ACVR2B: variants seen among roughly 807,000 people sequenced by gnomAD.
The protein encoded by ACVR2B is activin A receptor type 2B.
ACVR2B carries 18 observed loss-of-function variants against 65.1 expected under a neutral mutation model. That is an observed-to-expected ratio of 0.28 (90% CI 0.19 to 0.41). The LOEUF (loss-of-function observed/expected upper bound fraction) is 0.41, where lower values mean the gene tolerates loss of function less well. Ranked by LOEUF, ACVR2B falls within the 10% of genes least tolerant of loss-of-function variation. ACVR2B has a pLI of 1.00. For missense variants in ACVR2B, 482 were observed against 682.7 expected, an observed-to-expected ratio of 0.71 and a Z score of 3.28; for synonymous variants, 298 against 277.7, an observed-to-expected ratio of 1.07 and a Z score of -0.73.
At position 38,454,350 on chromosome 3, in the gene ACVR2B, C is replaced by G. The variant is rs1575574743; in HGVS notation, c.28C>G (p.Leu10Val). MTAPWVALA[L>V]LWGSLCAGSG... ...GACGGCGCCCTGGGTGGCCCTCGCC[C>G]TCCTCTGGGGATCGCTGTGCGCCGG... Residue 10 changes from leucine to valine, a missense_variant, in exon 1 of 11, where the codon CTC becomes GTC. By Grantham distance (32) the Leu-to-Val change is conservative (BLOSUM62 1). This residue lies in a region of ACVR2B where 41 missense variants were observed against 38.2 expected (regional missense o/e 1.07). Transcript: ENST00000352511. 7.7e-7 allele frequency: 1 copy of G among 1,298,110 alleles called. No individual in the cohort carries two copies. Among genetic ancestry groups the G allele is most frequent in the East Asian group, 3.1e-5 (1 of 32,000 alleles). 80.4% of individuals were successfully genotyped at this position (1,298,110 alleles called of 1,614,324 possible).
At position 38,481,522 on chromosome 3, in the gene ACVR2B, C is replaced by T; in HGVS notation, c.1074+57C>T. 1 of 1,441,016 alleles carries T rather than the reference C, an allele frequency of 6.9e-7. No homozygotes were observed. Among genetic ancestry groups the T allele is most frequent in the Non-Finnish European group, 9.8e-7 (1 of 1,023,792 alleles). 89.3% of individuals were successfully genotyped at this position (1,441,016 alleles called of 1,614,324 possible). A position where few individuals can be genotyped will look rare whatever the true frequency, so the allele number is the denominator to read the frequency against. On this transcript the variant is annotated intron_variant, in intron 8 of 10. Transcript: ENST00000352511. The surrounding 1 kb of genome is among the most constrained non-coding windows in gnomAD (Gnocchi z 4.7). Reference sequence around the variant, plus strand: ...ACAGACCCAGGGTAGATACTTTGCCCTTTTTGTGCTCAGCTGGGGAGGTGC... The same window carrying T: ...ACAGACCCAGGGTAGATACTTTGCCTTTTTTGTGCTCAGCTGGGGAGGTGC...
At chr3:38,471,512 C>T (rs748935810) in intron 1 of ACVR2B, among the ~76,000 whole-genome samples, 11 of 152,300 alleles carry the variant, frequency 7.2e-5, no homozygotes, top group Middle Eastern at 3.4e-3. Context: ...CACACACACA[C>T]GCACACACAC....
intron 1 of ACVR2B, chr3:38,475,973 A>T (rs1709899983): frequency 6.6e-6 from 1 of 152,190 alleles, no homozygotes; most frequent in Non-Finnish European, 1.5e-5. Context: ...TGTGGATAGG[A>T]TGGCTGGATG....
At chr3:38,480,049 T>C (rs1267668631) in intron 7 of ACVR2B, among the ~76,000 whole-genome samples, 2 of 152,334 alleles carry the variant, frequency 1.3e-5, no homozygotes, top group African/African-American at 4.8e-5. Flanking sequence ...CCACATGAAG[T>C]GCTGACTCCA....
In ACVR2B at chr3:38,454,234, C is replaced by T; in HGVS notation, c.-89C>T. On this transcript the variant is annotated 5_prime_UTR_variant, in exon 1 of 11. Coordinates refer to ENST00000352511, the MANE Select transcript of ACVR2B (RefSeq NM_001106.4). Reference sequence around the variant, plus strand: ...CCGAAGGAAGGAGCGGGAAGGAGAGCGCAGCCGCCGCCTGGCCCTGCGCGC... The same window carrying T: ...CCGAAGGAAGGAGCGGGAAGGAGAGTGCAGCCGCCGCCTGGCCCTGCGCGC... The T allele has an allele frequency of 2.0e-6, 2 of 981,352 alleles. No homozygotes were observed. The highest frequency in any genetic ancestry group is 2.6e-6 in the Non-Finnish European group (2 of 780,628). The allele number at this position is 981,352 out of a possible 1,614,324, so 60.8% of individuals were successfully genotyped here.
chr3:38,477,100 C>T lies in ACVR2B; in HGVS notation c.53-187C>T. 1.6e-6 allele frequency: 1 copy of T among 635,372 alleles called. No individual in the cohort carries two copies. Among genetic ancestry groups the T allele is most frequent in the South Asian group, 1.9e-5 (1 of 51,914 alleles). 39.4% of individuals were successfully genotyped at this position (635,372 alleles called of 1,614,324 possible). A position where few individuals can be genotyped will look rare whatever the true frequency, so the allele number is the denominator to read the frequency against. On this transcript the variant is annotated intron_variant, in intron 1 of 10. Transcript: ENST00000352511. This position sits in a 1 kb window ranked among gnomAD's most constrained non-coding sequence, Gnocchi z 6.7. ...AGGTGGGGGCTGGTGCCAGCTGGCA[C>T]ACGTAAATTAAGAGGTGTGGGACGG...
chr3:38,473,731 C>T (rs1428491366), intron 1 of ACVR2B: 1 of 152,270 alleles, frequency 6.6e-6, no homozygotes, highest in African/African-American at 2.4e-5. Context: ...ATGTGCCAGG[C>T]AGTGTTCTAA....
chr3:38,459,824 G>A (rs1052516922), intron 1 of ACVR2B: 2 of 256,526 alleles, frequency 7.8e-6, no homozygotes, highest in Non-Finnish European at 1.2e-5. Flanking sequence ...GGAGGCCCTG[G>A]TGGAGCGGTT....
intron 1 of ACVR2B, among the ~76,000 whole-genome samples, chr3:38,472,911 G>A (rs574758944): frequency 4.7e-4 from 71 of 152,190 alleles, no homozygotes; most frequent in Non-Finnish European, 8.1e-4. Flanking sequence ...TAGGAGAAAC[G>A]AACCTCCCAG....
Position 38,479,370 on chromosome 3 carries a change from C to T in ACVR2B, c.810+99C>T, listed in dbSNP as rs746734251. The T allele has an allele frequency of 2.6e-6, 4 of 1,551,718 alleles. No individual in the cohort carries two copies. The South Asian group carries it at 4.5e-5, about 17-fold the overall frequency. ...ACCCCTTCCCTGTGGAGGTGTCCAC[C>T]ATGAAGTACTCTGCCCCGGTAGCAC... is the stretch of plus-strand genomic sequence containing the variant. On this transcript the variant is annotated intron_variant, in intron 6 of 10. Coordinates refer to ENST00000352511, the MANE Select transcript of ACVR2B (RefSeq NM_001106.4).
chr3:38,488,570 A>C lies in ACVR2B; in HGVS notation c.*5238A>C, dbSNP rs1483845463. The C allele has an allele frequency of 6.6e-6, 1 of 152,200 alleles. No individual in the cohort carries two copies. The highest frequency in any genetic ancestry group is 1.9e-4 in the East Asian group (1 of 5,206). 9.4% of individuals were successfully genotyped at this position (152,200 alleles called of 1,614,324 possible). On this transcript the variant is annotated 3_prime_UTR_variant, in exon 11 of 11. Transcript: ENST00000352511. ...GGGTCCACTGTAAACTTTGGTTCAA[A>C]AAAGAATTTGAATTTAAAGAATTTA...
chr3:38,477,215 A>G lies in ACVR2B; in HGVS notation c.53-72A>G, dbSNP rs1230999975. 1.9e-6 allele frequency: 3 copies of G among 1,576,876 alleles called. No individual in the cohort carries two copies. In the East Asian group the frequency reaches 6.9e-5, roughly 36 times the overall value. ...CCTCCCTCAGGGTGGCCTGGCACCC[A>G]GGACTGGGAGTAGGGGTTTGGGTGG... On this transcript the variant is annotated intron_variant, in intron 1 of 10. Coordinates refer to ENST00000352511, the MANE Select transcript of ACVR2B (RefSeq NM_001106.4). The surrounding 1 kb of genome is among the most constrained non-coding windows in gnomAD (Gnocchi z 6.7).
At position 38,482,419 on chromosome 3, in the gene ACVR2B, C is replaced by CT. The variant is rs1710033865; in HGVS notation, c.1214-8dup. 5.0e-6 allele frequency: 8 copies of CT among 1,611,992 alleles called. No homozygotes were observed. The highest frequency in any genetic ancestry group is 1.3e-5 in the African/African-American group (1 of 74,182). On this transcript the variant is annotated splice_polypyrimidine_tract_variant and intron_variant, in intron 9 of 10. Transcript: ENST00000352511. ...TTAGAGTGATCCTGCCAGGCTCTCT[C>CT]TTTCTCCTAGGACCCGTGGATGAGT...
chr3:38,455,288 C>T (rs1245323191), intron 1 of ACVR2B, among the ~76,000 whole-genome samples: 3 of 152,106 alleles, frequency 2.0e-5, no homozygotes, highest in African/African-American at 7.2e-5. Context: ...CGGGACGTCC[C>T]CTGGCCAGTC....
chr3:38,458,863 T>C (rs922675874), intron 1 of ACVR2B, among the ~76,000 whole-genome samples: 25 of 152,172 alleles, frequency 1.6e-4, no homozygotes, highest in African/African-American at 5.8e-4. Flanking sequence ...CTTGACACTA[T>C]TACATTTTGG....
At position 38,483,124 on chromosome 3, in the gene ACVR2B, CCT is replaced by C; in HGVS notation, c.1345-13_1345-12del. 1 of 1,614,078 alleles carries C rather than the reference CCT, an allele frequency of 6.2e-7. No individual in the cohort carries two copies. Among genetic ancestry groups the C allele is most frequent in the Non-Finnish European group, 8.5e-7 (1 of 1,179,952 alleles). ...TAACAAAGGTGTCTTTCCTGTCTGCCCTATGCTGCTTAGGGCCTGGCCCAGCT... is the reference window on the plus strand; with the variant it reads ...TAACAAAGGTGTCTTTCCTGTCTGCCATGCTGCTTAGGGCCTGGCCCAGCT... On this transcript the variant is annotated splice_polypyrimidine_tract_variant and intron_variant, in intron 10 of 10. Coordinates refer to ENST00000352511, the MANE Select transcript of ACVR2B (RefSeq NM_001106.4). This position sits in a 1 kb window ranked among gnomAD's most constrained non-coding sequence, Gnocchi z 4.8.
chr3:38,461,604 C>T (rs1284803728), intron 1 of ACVR2B, among the ~76,000 whole-genome samples: 1 of 152,122 alleles, frequency 6.6e-6, no homozygotes, highest in Non-Finnish European at 1.5e-5. Flanking sequence ...GCCCTGAAAC[C>T]TCGCATCCAA....
At chr3:38,463,680 G>T (rs1174459264) in intron 1 of ACVR2B, among the ~76,000 whole-genome samples, 2 of 152,286 alleles carry the variant, frequency 1.3e-5, no homozygotes, top group East Asian at 3.9e-4. Flanking sequence ...ACTCAAGTTT[G>T]TGGAACTGTT....
chr3:38,476,860 G>A (rs1356543085), intron 1 of ACVR2B: 2 of 276,468 alleles, frequency 7.2e-6, no homozygotes, highest in Non-Finnish European at 7.0e-6. Context: ...CAGTGATTCC[G>A]ATGTGCACTG....
Sources: gnomAD v4.1 joint callset for allele counts (sites outside exome capture counted in the v4.1 genomes callset) on GRCh38, gnomAD v4.1.1 for gene constraint, gnomAD v4.1.1 regional missense constraint, Gnocchi (gnomAD v3.1) non-coding constraint, MANE v1.5 for transcripts, NCBI Gene and HGNC (gene_info 2026-07-23, HGNC 2026-07-21) for gene names.